Variants in NOP9 observed in about 807,000 individuals in gnomAD.
NOP9 encodes the protein nucleolar protein 9.
Under a neutral mutation model 63.0 loss-of-function variants are expected in NOP9, and 50 were observed. That is an observed-to-expected ratio of 0.79 (90% CI 0.63 to 1.00). NOP9 has a LOEUF of 1.00. NOP9 is among the 50% of genes least tolerant of loss of function. The probability of loss-of-function intolerance (pLI) is 0.00; values close to 1 mark genes in which losing one functional copy is unlikely to be tolerated. For synonymous variants in NOP9, 343 were observed against 332.8 expected, an observed-to-expected ratio of 1.03 and a Z score of -0.33; for missense variants, 758 against 803.0, an observed-to-expected ratio of 0.94 and a Z score of 0.68.
the NOP9 span, among the ~76,000 whole-genome samples, chr14:24,279,825 G>T: frequency 6.6e-6 from 1 of 152,274 alleles, no homozygotes; most frequent in Non-Finnish European, 1.5e-5. Flanking sequence ...TTCGGTTTTG[G>T]GCATATATGA....
At chr14:24,292,735 C>T in the NOP9 span, 2 of 1,614,198 alleles carry the variant, frequency 1.2e-6, no homozygotes, top group Middle Eastern at 1.6e-4. Flanking sequence ...AGCCCCTGGC[C>T]AGCTGGTACC....
chr14:24,300,240 A>C, intron 1 of NOP9, 39 bp downstream of exon 1: 1 of 1,603,298 alleles, frequency 6.2e-7, no homozygotes, highest in Non-Finnish European at 8.5e-7. Context: ...AGAGCATCAA[A>C]TCCAGGGCAG....
At chr14:24,288,251 C>T in the NOP9 span, among the ~76,000 whole-genome samples, 67 of 152,226 alleles carry the variant, frequency 4.4e-4, no homozygotes, top group Non-Finnish European at 8.1e-4. Flanking sequence ...CTTTTGTGGG[C>T]GGGGGCCTGG....
chr14:24,296,791 C>G (rs756844823), upstream of NOP9: 2 of 1,614,244 alleles, frequency 1.2e-6, no homozygotes, highest in Non-Finnish European at 1.7e-6. Context: ...CCTTGCTGTT[C>G]CCGATCCACT....
chr14:24,276,792 A>T, the NOP9 span, among the ~76,000 whole-genome samples: 1 of 152,216 alleles, frequency 6.6e-6, no homozygotes, highest in Non-Finnish European at 1.5e-5. Flanking sequence ...TTAACTTTTG[A>T]TGCTTACTCT....
the NOP9 span, among the ~76,000 whole-genome samples, chr14:24,288,637 C>T: frequency 1.7e-4 from 26 of 151,982 alleles, no homozygotes; most frequent in South Asian, 4.2e-4. Flanking sequence ...CGTGAGCCAC[C>T]GCGCCCGACC....
chr14:24,296,993 G>C (rs537683739), upstream of NOP9: 10 of 1,453,952 alleles, frequency 6.9e-6, no homozygotes, highest in African/African-American at 5.6e-5. Context: ...TCCTAGGAGA[G>C]CCTGCTGCAG....
chr14:24,291,654 G>A, the NOP9 span: 4 of 1,608,082 alleles, frequency 2.5e-6, no homozygotes, highest in African/African-American at 5.3e-5. Context: ...GAAGTGAAGG[G>A]TTAATTTCCA....
the NOP9 span, among the ~76,000 whole-genome samples, chr14:24,273,098 G>A: frequency 6.6e-6 from 1 of 152,144 alleles, no homozygotes; most frequent in African/African-American, 2.4e-5. Flanking sequence ...ACACGTGTGT[G>A]ATGTCTTTGC....
rs906582876 is a variant in NOP9, at chr14:24,307,731, G to A, written c.*2636G>A. ...GGGGAGCAGGAGAGGAAGGGGTACT[G>A]GTTAGTCTCCTAGGGGCTGAGTGGA... is the stretch of plus-strand genomic sequence containing the variant. On this transcript the variant is annotated 3_prime_UTR_variant, in exon 10 of 10. Coordinates refer to ENST00000267425, the MANE Select transcript of NOP9 (RefSeq NM_174913.3). 3 of 1,416,794 alleles carry A rather than the reference G, an allele frequency of 2.1e-6. No homozygotes were observed. Among genetic ancestry groups the A allele is most frequent in the Non-Finnish European group, 9.8e-7 (1 of 1,022,760 alleles). The allele number at this position is 1,416,794 out of a possible 1,614,324, so 87.8% of individuals were successfully genotyped here.
chr14:24,272,786 T>C, the NOP9 span, among the ~76,000 whole-genome samples: 2 of 152,190 alleles, frequency 1.3e-5, no homozygotes, highest in African/African-American at 4.8e-5. Context: ...ATACTTGCAG[T>C]TTCCTAAATA....
rs1041242155 is a variant in NOP9, at chr14:24,304,746, C to T, written c.1753+148C>T. ...TGGGTTCTTAGCAGTCTGCTTTCCC[C>T]TTCCCTCCCGCTGACTGATTGTGTA... On this transcript the variant is annotated intron_variant, in intron 9 of 9. Coordinates refer to ENST00000267425, the MANE Select transcript of NOP9 (RefSeq NM_174913.3). The T allele has an allele frequency of 1.8e-4, 160 of 898,852 alleles. 1 individual carries two copies. Among genetic ancestry groups the T allele is most frequent in the Non-Finnish European group, 2.5e-4 (150 of 605,726 alleles). The allele number at this position is 898,852 out of a possible 1,614,324, so 55.7% of individuals were successfully genotyped here.
chr14:24,300,026 G>A lies in NOP9; in HGVS notation c.72G>A (p.Gly24=). Residue 24 remains glycine, a synonymous_variant, in exon 1 of 10, where the codon GGG becomes GGA. Coordinates refer to ENST00000267425, the MANE Select transcript of NOP9 (RefSeq NM_174913.3). ...RFPAGGKRGR[G]AKGSGRPLPG... ...CAGCTGGTGGCAAACGGGGGCGCGG[G>A]GCCAAGGGGTCGGGGCGCCCCTTAC... 1.2e-6 allele frequency: 2 copies of A among 1,605,304 alleles called. No homozygotes were observed. Among genetic ancestry groups the A allele is most frequent in the Non-Finnish European group, 1.7e-6 (2 of 1,175,720 alleles).
the NOP9 span, chr14:24,292,599 A>T: frequency 6.2e-7 from 1 of 1,613,912 alleles, no homozygotes; most frequent in South Asian, 1.1e-5. Context: ...CCTGAGCTAT[A>T]GGTAACATCA....
chr14:24,276,663 G>A, the NOP9 span, among the ~76,000 whole-genome samples: 21 of 152,308 alleles, frequency 1.4e-4, no homozygotes, highest in Admixed American at 6.5e-4. Flanking sequence ...GGTGAGACAC[G>A]TAAGATGGAG....
In NOP9 at chr14:24,306,129, C is replaced by T; in HGVS notation, c.*1034C>T. On this transcript the variant is annotated 3_prime_UTR_variant, in exon 10 of 10. Coordinates refer to ENST00000267425, the MANE Select transcript of NOP9 (RefSeq NM_174913.3). ...TCTCCCGTCCCAGGCCATATGACAG[C>T]ACTCCACTCTGTAGGACACCCTTGT... 6.2e-7 allele frequency: 1 copy of T among 1,613,516 alleles called. No individual in the cohort carries two copies. The highest frequency in any genetic ancestry group is 8.5e-7 in the Non-Finnish European group (1 of 1,179,738).
chr14:24,286,262 A>G, the NOP9 span, among the ~76,000 whole-genome samples: 5 of 152,156 alleles, frequency 3.3e-5, no homozygotes, highest in African/African-American at 1.2e-4. Flanking sequence ...GTCCCACAAT[A>G]GTCCCAGGTC....
the NOP9 span, among the ~76,000 whole-genome samples, chr14:24,287,283 C>G: frequency 9.9e-5 from 15 of 152,180 alleles, no homozygotes; most frequent in African/African-American, 2.7e-4. Flanking sequence ...GGCAGTGTAC[C>G]CAGTGACTGC....
At chr14:24,294,134 A>G in the NOP9 span, 2 of 152,240 alleles carry the variant, frequency 1.3e-5, no homozygotes, top group Non-Finnish European at 2.9e-5. Context: ...GTACTGAAAG[A>G]AAACATGATC....
Sources: gnomAD v4.1 joint callset for allele counts (sites outside exome capture counted in the v4.1 genomes callset) on GRCh38, gnomAD v4.1.1 for gene constraint, MANE v1.5 for transcripts, NCBI Gene and HGNC (gene_info 2026-07-23, HGNC 2026-07-21) for gene names.